Variants in ANO4 observed in about 807,000 individuals in gnomAD.
ANO4 encodes the protein anoctamin-4.
Under a neutral mutation model 141.9 loss-of-function variants are expected in ANO4, and 69 were observed. The ratio of observed to expected loss-of-function variants is 0.49; its 90% CI spans 0.40 to 0.59. ANO4 has a LOEUF of 0.59. Ranked by LOEUF, ANO4 falls within the 20% of genes least tolerant of loss-of-function variation. The pLI is 0.00. For synonymous variants in ANO4, 350 were observed against 394.3 expected, an observed-to-expected ratio of 0.89 and a Z score of 1.33; for missense variants, 894 against 1,162.2, an observed-to-expected ratio of 0.77 and a Z score of 3.36.
chr12:100,755,965 G>A (rs1267377977), intron 3 of ANO4, among the ~76,000 whole-genome samples: 1 of 152,132 alleles, frequency 6.6e-6, no homozygotes, highest in Non-Finnish European at 1.5e-5. Flanking sequence ...AAGAGATTCT[G>A]AATAGTTATC....
chr12:100,761,101 A>C (rs1023361479), intron 3 of ANO4, among the ~76,000 whole-genome samples: 4 of 151,974 alleles, frequency 2.6e-5, no homozygotes, highest in African/African-American at 9.7e-5. Context: ...CTTTTGCTCC[A>C]TCCCTCCTTT....
rs2036512859 is a variant in ANO4, at chr12:100,829,164, A to T, written c.-141+34137A>T. On this transcript the variant is annotated intron_variant, in intron 1 of 27. Coordinates refer to ENST00000392977, the MANE Select transcript of ANO4 (RefSeq NM_001286615.2). ...GTAGAGGGAAAAGCTGAATCGACAT[A>T]TGTTATCATATAAAGGAGTTAAAAT... is the stretch of plus-strand genomic sequence containing the variant. 5.3e-5 allele frequency among the ~76,000 whole-genome samples: 8 copies of T among 152,224 alleles called. No individual in the cohort carries two copies. In the South Asian group the frequency reaches 1.7e-3, roughly 32 times the overall value.
chr12:101,000,105 A>G (rs1566110532), intron 8 of ANO4, among the ~76,000 whole-genome samples: 1 of 152,076 alleles, frequency 6.6e-6, no homozygotes, highest in Non-Finnish European at 1.5e-5. Flanking sequence ...GCACTCAACA[A>G]ATCAACAAAT....
intron 22 of ANO4, among the ~76,000 whole-genome samples, chr12:101,103,686 T>C (rs1254488630): frequency 6.6e-6 from 1 of 151,932 alleles, no homozygotes; most frequent in African/African-American, 2.4e-5. Flanking sequence ...GAAGATATTA[T>C]AGTGTAGTTT....
intron 5 of ANO4, among the ~76,000 whole-genome samples, chr12:100,953,756 T>C (rs1047806634): frequency 6.6e-6 from 1 of 152,200 alleles, no homozygotes; most frequent in African/African-American, 2.4e-5. Context: ...AATTGGAATT[T>C]GCATGTCTAA....
At chr12:100,955,623 A>G (rs1410851183) in intron 5 of ANO4, among the ~76,000 whole-genome samples, 1 of 152,168 alleles carries the variant, frequency 6.6e-6, no homozygotes, top group Non-Finnish European at 1.5e-5. Flanking sequence ...TCTTTGGAAA[A>G]TATAAGCTGC....
intron 22 of ANO4, among the ~76,000 whole-genome samples, chr12:101,100,643 C>A (rs1392806498): frequency 6.6e-6 from 1 of 152,164 alleles, no homozygotes; most frequent in Non-Finnish European, 1.5e-5. Flanking sequence ...ATATTGAGTG[C>A]TTAAAAAGAA....
intron 8 of ANO4, among the ~76,000 whole-genome samples, chr12:100,991,414 CA>C (rs1202008142): frequency 6.7e-6 from 1 of 148,828 alleles, no homozygotes; most frequent in Non-Finnish European, 1.5e-5. Context: ...CTTAGTTTTC[CA>C]GAATGTTTCA....
chr12:100,974,477 T>G (rs937134048), intron 6 of ANO4, among the ~76,000 whole-genome samples: 1 of 152,166 alleles, frequency 6.6e-6, no homozygotes, highest in African/African-American at 2.4e-5. Flanking sequence ...ATTATGTATG[T>G]TGCCCTCTGA....
chr12:100,940,871 C>T (rs1042470681), intron 4 of ANO4, among the ~76,000 whole-genome samples: 5 of 152,064 alleles, frequency 3.3e-5, no homozygotes, highest in Non-Finnish European at 7.4e-5. Flanking sequence ...ACAGCAAGCC[C>T]GAAGAGCCTG....
At chr12:100,872,361 C>A (rs2039077657) in intron 1 of ANO4, among the ~76,000 whole-genome samples, 2 of 152,148 alleles carry the variant, frequency 1.3e-5, no homozygotes, top group African/African-American at 4.8e-5. Context: ...AGATGCCCAG[C>A]AGCCCCCAGG....
chr12:101,097,750 A>G, intron 20 of ANO4, 42 bp downstream of exon 20: 1 of 1,611,004 alleles, frequency 6.2e-7, no homozygotes, highest in Admixed American at 1.7e-5. Context: ...ACAGACTTGC[A>G]TTAAACAGCC....
At chr12:100,898,196 T>C (rs1430819558) in intron 1 of ANO4, among the ~76,000 whole-genome samples, 2 of 152,194 alleles carry the variant, frequency 1.3e-5, no homozygotes, top group African/African-American at 4.8e-5. Flanking sequence ...ATTTAATAGA[T>C]AGTGTCAACA....
At chr12:100,867,226 T>G (rs1330006474) in intron 1 of ANO4, among the ~76,000 whole-genome samples, 1 of 152,062 alleles carries the variant, frequency 6.6e-6, no homozygotes, top group Non-Finnish European at 1.5e-5. Flanking sequence ...TGCTTAACGG[T>G]CTTCATGTCT....
intron 1 of ANO4, among the ~76,000 whole-genome samples, chr12:100,722,083 G>A (rs1430893735): frequency 6.6e-6 from 1 of 152,126 alleles, no homozygotes; most frequent in African/African-American, 2.4e-5. Context: ...TGTCAAGTGC[G>A]CAGGAGCAGT....
intron 14 of ANO4, among the ~76,000 whole-genome samples, chr12:101,062,220 A>C (rs2048375851): frequency 6.6e-6 from 1 of 152,174 alleles, no homozygotes; most frequent in African/African-American, 2.4e-5. Flanking sequence ...GAGGCTGCAG[A>C]ACAGCAAAGA....
intron 14 of ANO4, among the ~76,000 whole-genome samples, chr12:101,055,116 C>G (rs2048055464): frequency 6.6e-6 from 1 of 152,106 alleles, no homozygotes; most frequent in Admixed American, 6.5e-5. Context: ...ATAAATAAAC[C>G]TAGAAACTAT....
At chr12:100,835,462 C>T (rs879074068) in intron 1 of ANO4, among the ~76,000 whole-genome samples, 9 of 152,016 alleles carry the variant, frequency 5.9e-5, no homozygotes, top group Admixed American at 1.3e-4. Flanking sequence ...TCTCTCTACT[C>T]GGTACTTTTT....
At chr12:100,953,703 A>T (rs2136213777) in intron 5 of ANO4, among the ~76,000 whole-genome samples, 2 of 152,336 alleles carry the variant, frequency 1.3e-5, no homozygotes, top group East Asian at 3.9e-4. Context: ...TCAGGAGTTC[A>T]AGAAAAATCT....
Sources: gnomAD v4.1 joint callset for allele counts (sites outside exome capture counted in the v4.1 genomes callset) on GRCh38, gnomAD v4.1.1 for gene constraint, MANE v1.5 for transcripts, NCBI Gene and HGNC (gene_info 2026-07-23, HGNC 2026-07-21) for gene names.